The following SLC71A1 variants were observed in gnomAD, a reference collection of about 807,000 sequenced individuals.
The protein encoded by SLC71A1 is solute carrier family 71 member 1.
chr1:100,082,351 A>G, the SLC71A1 span: 9 of 659,974 alleles, frequency 1.4e-5, no homozygotes, highest in Non-Finnish European at 2.3e-5. Context: ...GTGGGAACTA[A>G]AGGAAGTGGG....
At chr1:100,049,321 GTTT>G in the SLC71A1 span, among the ~76,000 whole-genome samples, 2 of 129,522 alleles carry the variant, frequency 1.5e-5, no homozygotes, top group Non-Finnish European at 1.7e-5. Context: ...TTCATTTATG[GTTT>G]TTTTTTTTTT....
the SLC71A1 span, among the ~76,000 whole-genome samples, chr1:100,055,158 A>AGG: frequency 6.6e-6 from 1 of 152,204 alleles, no homozygotes; most frequent in South Asian, 2.1e-4. Flanking sequence ...ATTCTTTCTA[A>AGG]CACCAAACCT....
At chr1:100,038,235 G>T in the SLC71A1 span, 1 of 1,556,450 alleles carries the variant, frequency 6.4e-7, no homozygotes, top group South Asian at 1.2e-5. Context: ...ATGGTAAAAT[G>T]ACCCAGGGGA....
the SLC71A1 span, among the ~76,000 whole-genome samples, chr1:100,054,820 A>C: frequency 1.3e-5 from 2 of 152,348 alleles, no homozygotes; most frequent in Admixed American, 1.3e-4. Context: ...AAAAATCTTT[A>C]CAACATTCGA....
chr1:100,077,770 G>GT, the SLC71A1 span, among the ~76,000 whole-genome samples: 1 of 152,288 alleles, frequency 6.6e-6, no homozygotes, highest in South Asian at 2.1e-4. Context: ...GGGGACTTGA[G>GT]TAGTGACGCT....
the SLC71A1 span, chr1:100,081,929 CT>C: frequency 8.7e-7 from 1 of 1,153,038 alleles, no homozygotes; most frequent in South Asian, 1.3e-5. Context: ...TAAGTTAATA[CT>C]AAAAGGTATG....
the SLC71A1 span, among the ~76,000 whole-genome samples, chr1:100,056,229 G>C: frequency 6.6e-6 from 1 of 152,082 alleles, no homozygotes; most frequent in Non-Finnish European, 1.5e-5. Flanking sequence ...TTCAGTTGTT[G>C]TAATTTTTAG....
At chr1:100,081,749 TCA>T in the SLC71A1 span, among the ~76,000 whole-genome samples, 1 of 152,230 alleles carries the variant, frequency 6.6e-6, no homozygotes, top group Non-Finnish European at 1.5e-5. Flanking sequence ...ATAGCTGTGT[TCA>T]CATTTTGTGC....
chr1:100,038,842 TGCTCCG>T, the SLC71A1 span, among the ~76,000 whole-genome samples: 1 of 152,236 alleles, frequency 6.6e-6, no homozygotes, highest in Non-Finnish European at 1.5e-5. Flanking sequence ...TCTGCGTCGG[TGCTCCG>T]GCTCTGGGCT....
chr1:100,041,133 C>T, the SLC71A1 span, among the ~76,000 whole-genome samples: 4 of 152,144 alleles, frequency 2.6e-5, no homozygotes, highest in Non-Finnish European at 5.9e-5. Context: ...AATGATTTTT[C>T]TGAAAATTAG....
the SLC71A1 span, among the ~76,000 whole-genome samples, chr1:100,057,480 G>T: frequency 6.6e-6 from 1 of 151,564 alleles, no homozygotes; most frequent in Non-Finnish European, 1.5e-5. Flanking sequence ...TCAGCCTCCT[G>T]AGTAGCTTGG....
chr1:100,049,893 A>G, the SLC71A1 span: 1 of 1,420,878 alleles, frequency 7.0e-7, no homozygotes, highest in Non-Finnish European at 9.7e-7. Context: ...TTTTTAAAAA[A>G]TCTTGTTTTT....
the SLC71A1 span, among the ~76,000 whole-genome samples, chr1:100,052,971 A>G: frequency 6.6e-6 from 1 of 151,732 alleles, no homozygotes; most frequent in East Asian, 1.9e-4. Context: ...TTTAATAGAG[A>G]CGGGGTTTCA....
chr1:100,057,036 A>G, the SLC71A1 span, among the ~76,000 whole-genome samples: 2 of 152,196 alleles, frequency 1.3e-5, no homozygotes, highest in African/African-American at 4.8e-5. Context: ...TTCTTACAGA[A>G]TTGTTTGAGC....
chr1:100,044,590 C>A, the SLC71A1 span, among the ~76,000 whole-genome samples: 1 of 149,696 alleles, frequency 6.7e-6, no homozygotes. Context: ...ATCTTGGCTC[C>A]CTGCAACCTC....
chr1:100,082,670 C>T, the SLC71A1 span: 2 of 153,684 alleles, frequency 1.3e-5, no homozygotes, highest in African/African-American at 2.4e-5. Flanking sequence ...TAATTCAAAG[C>T]CTTAATGCAG....
At chr1:100,040,856 G>C in the SLC71A1 span, among the ~76,000 whole-genome samples, 1 of 152,114 alleles carries the variant, frequency 6.6e-6, no homozygotes, top group Non-Finnish European at 1.5e-5. Context: ...CAGTGCTATT[G>C]CTGTTGACCT....
chr1:100,070,847 G>C, the SLC71A1 span, among the ~76,000 whole-genome samples: 1 of 151,886 alleles, frequency 6.6e-6, no homozygotes, highest in Non-Finnish European at 1.5e-5. Context: ...TTTTATTCTA[G>C]GGTATTTTTA....
the SLC71A1 span, among the ~76,000 whole-genome samples, chr1:100,071,689 T>C: frequency 3.9e-5 from 6 of 152,224 alleles, no homozygotes; most frequent in Non-Finnish European, 5.9e-5. Flanking sequence ...TATAAGGTCT[T>C]AAGTTCTGTT....
Sources: allele counts gnomAD v4.1 joint callset (sites outside exome capture counted in the v4.1 genomes callset), GRCh38; gene constraint gnomAD v4.1.1; transcripts MANE v1.5; gene names NCBI Gene and HGNC (gene_info 2026-07-23, HGNC 2026-07-21).